Variants in SHQ1 observed in about 807,000 individuals in gnomAD.
The protein encoded by SHQ1 is protein SHQ1 homolog.
A neutral mutation model predicts 53.8 loss-of-function variants in SHQ1; 49 were observed. The observed-to-expected ratio is 0.91, with a 90% confidence interval of 0.72 to 1.16. The LOEUF (loss-of-function observed/expected upper bound fraction) is 1.16. SHQ1 is among the 50% of genes most tolerant of loss of function. The pLI, the probability that SHQ1 is intolerant of heterozygous loss-of-function variation, is 0.00. For missense variants in SHQ1, 738 were observed against 683.1 expected (o/e 1.08, Z -0.90); for synonymous variants, 243 against 251.0 (o/e 0.97, Z 0.30).
intron 9 of SHQ1, among the ~76,000 whole-genome samples, chr3:72,798,882 A>G (rs1245985073): frequency 6.6e-6 from 1 of 152,230 alleles, no homozygotes; most frequent in Non-Finnish European, 1.5e-5. Context: ...AACTGCTGGT[A>G]CATTACAGCT....
intron 10 of SHQ1, among the ~76,000 whole-genome samples, chr3:72,776,583 T>A (rs529871151): frequency 6.6e-6 from 1 of 152,156 alleles, no homozygotes; most frequent in Non-Finnish European, 1.5e-5. Flanking sequence ...GTAAGTAATT[T>A]TTTTAAAAAA....
At chr3:72,805,283 T>TAATTCTTA (rs1353609586) in intron 9 of SHQ1, among the ~76,000 whole-genome samples, 3 of 152,254 alleles carry the variant, frequency 2.0e-5, no homozygotes, top group Non-Finnish European at 4.4e-5. Context: ...TACATAATTG[T>TAATTCTTA]AATTCTTACA....
intron 1 of SHQ1, 24 bp downstream of exon 1, chr3:72,848,174 T>G: frequency 6.2e-7 from 1 of 1,613,888 alleles, no homozygotes. Context: ...GCGCCTTTCC[T>G]GCGGCCAGGC....
chr3:72,774,202 G>C (rs929464160), intron 10 of SHQ1, among the ~76,000 whole-genome samples: 1 of 152,092 alleles, frequency 6.6e-6, no homozygotes, highest in East Asian at 1.9e-4. Flanking sequence ...AAAACTGACA[G>C]GTCTACAGGA....
intron 5 of SHQ1, among the ~76,000 whole-genome samples, chr3:72,829,828 C>A (rs1707772688): frequency 2.6e-5 from 4 of 152,090 alleles, no homozygotes; most frequent in Middle Eastern, 3.4e-3. Context: ...AAGAAATAGG[C>A]AAGATTTTAT....
rs766077592 is a variant in SHQ1, at chr3:72,848,196, G to A, written c.143+2C>T. The stretch of plus-strand genomic sequence containing the variant: ...TCCTGCGGCCAGGCACCCCGAACTC[G>A]CCTGAGAAAGTATGGCTTGGCGTAG... On this transcript the variant is annotated splice_donor_variant, in intron 1 of 10. Transcript: ENST00000325599. LOFTEE classifies it low-confidence loss of function (GC_TO_GT_DONOR). 6.2e-7 allele frequency: 1 copy of A among 1,614,006 alleles called. No individual in the cohort carries two copies. The highest frequency in any genetic ancestry group is 8.5e-7 in the Non-Finnish European group (1 of 1,180,030).
Position 72,848,262 on chromosome 3 carries a change from A to T in SHQ1, c.79T>A (p.Ser27Thr). The change falls in exon 1 of 11, where the codon TCC (serine) becomes ACC (threonine). Residue 27 changes from serine (S) to threonine (T), a missense_variant. Coordinates refer to ENST00000325599, the MANE Select transcript of SHQ1 (RefSeq NM_018130.3). The part of the protein sequence containing the change: ...IAIRVPYARV[S>T]EFDVYFEGSD... The stretch of plus-strand genomic sequence containing the variant: ...CCCTCGAAGTAGACGTCGAACTCGG[A>T]GACCCGGGCGTAGGGCACGCGGATG... The T allele has an allele frequency of 6.2e-7, 1 of 1,614,160 alleles. No individual in the cohort carries two copies. Among genetic ancestry groups the T allele is most frequent in the South Asian group, 1.1e-5 (1 of 91,082 alleles).
Position 72,791,241 on chromosome 3 carries a change from GA to G in SHQ1, c.1181+1674del, listed in dbSNP as rs752031570. ...GACTATCCCCATTTAATTTTATTAT[GA>G]AAATGAAAGTAACAACAGGAAATGG... On this transcript the variant is annotated intron_variant, in intron 10 of 10. Coordinates refer to ENST00000325599, the MANE Select transcript of SHQ1 (RefSeq NM_018130.3). 2.6e-5 allele frequency among the ~76,000 whole-genome samples: 4 copies of G among 152,234 alleles called. No individual in the cohort carries two copies. In the East Asian group the frequency reaches 5.8e-4, roughly 22 times the overall value.
chr3:72,770,546 C>T (rs1174172627), intron 10 of SHQ1, among the ~76,000 whole-genome samples: 2 of 151,984 alleles, frequency 1.3e-5, no homozygotes, highest in Non-Finnish European at 2.9e-5. Flanking sequence ...CAAGGGCTGT[C>T]AGTTTGTTCA....
chr3:72,727,226 T>G, the SHQ1 span, among the ~76,000 whole-genome samples: 1 of 151,572 alleles, frequency 6.6e-6, no homozygotes, highest in Non-Finnish European at 1.5e-5. Context: ...CCAAGGGGGG[T>G]TTGAGGCTCC....
chr3:72,780,578 G>A (rs1706050201), intron 10 of SHQ1, among the ~76,000 whole-genome samples: 1 of 152,160 alleles, frequency 6.6e-6, no homozygotes, highest in Non-Finnish European at 1.5e-5. Flanking sequence ...TTTATTCTTT[G>A]CCAAAAGAAT....
chr3:72,815,181 C>A (rs1575716971), intron 8 of SHQ1, among the ~76,000 whole-genome samples, 169 bp downstream of exon 8: 1 of 152,084 alleles, frequency 6.6e-6, no homozygotes. Flanking sequence ...AAGTACTCTA[C>A]CTGGTTCATT....
At chr3:72,832,771 C>T (rs1243229461) in intron 4 of SHQ1, among the ~76,000 whole-genome samples, 1 of 152,028 alleles carries the variant, frequency 6.6e-6, no homozygotes, top group Non-Finnish European at 1.5e-5. Context: ...TGGAATAAAC[C>T]CCTACAAGCA....
intron 9 of SHQ1, chr3:72,794,386 A>C (rs757737005): frequency 2.0e-5 from 3 of 152,242 alleles, no homozygotes; most frequent in Non-Finnish European, 4.4e-5. Flanking sequence ...AGAACACCGC[A>C]ACAGCAGGTT....
chr3:72,828,674 G>A lies in SHQ1; in HGVS notation c.599+3695C>T, dbSNP rs761333532. Among the ~76,000 whole-genome samples the A allele has an allele frequency of 1.2e-4, 19 of 152,036 alleles. 1 individual carries two copies. Among genetic ancestry groups the A allele is most frequent in the Admixed American group, 9.2e-4 (14 of 15,262 alleles). ...CGCACCACTGCACTCCAGCCTGGGCGACAGAGCAAGACTCTGTCTCAAAAA... is the reference window on the plus strand; with the variant it reads ...CGCACCACTGCACTCCAGCCTGGGCAACAGAGCAAGACTCTGTCTCAAAAA... On this transcript the variant is annotated intron_variant, in intron 5 of 10. Transcript: ENST00000325599.
intron 10 of SHQ1, chr3:72,772,873 G>A: frequency 1.3e-6 from 1 of 781,552 alleles, no homozygotes; most frequent in Non-Finnish European, 2.4e-6. Context: ...GGAAGCTGTG[G>A]ACAAATCTGA....
In SHQ1 at chr3:72,750,262, A is replaced by C; in HGVS notation, c.*22T>G. Reference sequence around the variant, plus strand: ...AACCCAATCTACCATATTTCTCAACAATGAATAAAACCACCTAAGAGTCAA... The same window carrying C: ...AACCCAATCTACCATATTTCTCAACCATGAATAAAACCACCTAAGAGTCAA... On this transcript the variant is annotated 3_prime_UTR_variant, in exon 11 of 11. Transcript: ENST00000325599. 6.5e-7 allele frequency: 1 copy of C among 1,535,334 alleles called. No individual in the cohort carries two copies.
At chr3:72,745,416 C>T (rs534066308), downstream of SHQ1, among the ~76,000 whole-genome samples, 2 of 152,092 alleles carry the variant, frequency 1.3e-5, no homozygotes, top group Admixed American at 6.5e-5. Flanking sequence ...GCAAGGCCTC[C>T]GATTATTCTT....
intron 10 of SHQ1, among the ~76,000 whole-genome samples, chr3:72,757,227 T>C (rs150996116): frequency 2.8e-4 from 42 of 152,204 alleles, no homozygotes; most frequent in South Asian, 4.1e-4. Context: ...GAGCCCACAA[T>C]TGATCACAGA....
Sources: gnomAD v4.1 joint callset for allele counts (sites outside exome capture counted in the v4.1 genomes callset) on GRCh38, gnomAD v4.1.1 for gene constraint, MANE v1.5 for transcripts, NCBI Gene and HGNC (gene_info 2026-07-23, HGNC 2026-07-21) for gene names.